SPTBN1: variants seen among roughly 807,000 people sequenced by gnomAD.
SPTBN1 encodes spectrin beta chain, non-erythrocytic 1.
In SPTBN1, 32 loss-of-function variants were observed where a neutral mutation model predicts 266.4. That is an observed-to-expected ratio of 0.12 (90% CI 0.09 to 0.16). The LOEUF (loss-of-function observed/expected upper bound fraction) is 0.16. SPTBN1 is among the 10% of genes least tolerant of loss of function. The pLI, the probability that SPTBN1 is intolerant of heterozygous loss-of-function variation, is 1.00. For synonymous variants in SPTBN1, 1,336 were observed against 1,162.2 expected (o/e 1.15, Z -3.04); for missense variants, 2,296 against 3,067.1 (o/e 0.75, Z 5.94).
At chr2:54,620,738 C>T (rs1677937540) in intron 7 of SPTBN1, among the ~76,000 whole-genome samples, 1 of 152,062 alleles carries the variant, frequency 6.6e-6, no homozygotes, top group Non-Finnish European at 1.5e-5. Flanking sequence ...TTAAAAGAAG[C>T]CTGGTGAATA....
chr2:54,574,047 G>C (rs200680472), intron 2 of SPTBN1, among the ~76,000 whole-genome samples: 1 of 152,188 alleles, frequency 6.6e-6, no homozygotes, highest in East Asian at 1.9e-4. Flanking sequence ...TTTGTGGGGG[G>C]ACACAAATGT....
chr2:54,649,866 T>A lies in SPTBN1; in HGVS notation c.5454T>A (p.Phe1818Leu). ...TTTACCACGATGCCAAGGAGATCTT[T>A]GGGCGTATACAGGACAAACACAAGA... ...HKFYHDAKEI[F>L]GRIQDKHKKL... The change falls in exon 26 of 36, where the codon TTT becomes TTA. Residue 1818 changes from phenylalanine (F) to leucine (L), a missense_variant. Coordinates refer to ENST00000356805, the MANE Select transcript of SPTBN1 (RefSeq NM_003128.3). The surrounding 1 kb of genome is among the most constrained non-coding windows in gnomAD (Gnocchi z 6.7). The A allele has an allele frequency of 6.2e-7, 1 of 1,614,216 alleles. No homozygotes were observed. The highest frequency in any genetic ancestry group is 8.5e-7 in the Non-Finnish European group (1 of 1,180,046).
intron 2 of SPTBN1, among the ~76,000 whole-genome samples, chr2:54,547,940 G>A (rs1391817028): frequency 2.0e-5 from 3 of 152,056 alleles, no homozygotes; most frequent in East Asian, 1.9e-4. Flanking sequence ...TCAGGAGATC[G>A]AGACCATCCT....
intron 2 of SPTBN1, among the ~76,000 whole-genome samples, chr2:54,556,759 A>G (rs1212659594): frequency 6.6e-6 from 1 of 152,118 alleles, no homozygotes. Flanking sequence ...TTTTGAAAGT[A>G]TGATAATTTT....
chr2:54,574,506 C>G (rs1194652580), intron 2 of SPTBN1, among the ~76,000 whole-genome samples: 1 of 152,208 alleles, frequency 6.6e-6, no homozygotes, highest in African/African-American at 2.4e-5. Flanking sequence ...AAAGCATCCT[C>G]CCCTCAGAGT....
intron 6 of SPTBN1, 152 bp downstream of exon 6, chr2:54,617,840 T>C (rs1677713448): frequency 4.0e-6 from 3 of 743,482 alleles, no homozygotes; most frequent in African/African-American, 3.5e-5. Flanking sequence ...TGGGAGAATA[T>C]ATAAATTCTT....
intron 2 of SPTBN1, among the ~76,000 whole-genome samples, chr2:54,543,775 G>T (rs1672074488): frequency 6.6e-6 from 1 of 152,042 alleles, no homozygotes; most frequent in South Asian, 2.1e-4. Flanking sequence ...TGATAAATTG[G>T]TCCCCCCTCC....
Position 54,655,349 on chromosome 2 carries a change from G to A in SPTBN1, c.5961+141G>A, listed in dbSNP as rs138070786. 2.9e-4 allele frequency: 346 copies of A among 1,200,990 alleles called. No homozygotes were observed. The Middle Eastern group carries it at 3.4e-3, about 12-fold the overall frequency. The allele number at this position is 1,200,990 out of a possible 1,614,324, so 74.4% of individuals were successfully genotyped here. On this transcript the variant is annotated intron_variant, in intron 28 of 35. Transcript: ENST00000356805. ...ATGTTTTAAAACTCCTTTCCTGTGC[G>A]TCTAGAATAATGCAATTATGCAAGA...
rs549491367 is a variant in SPTBN1 at position 54,530,353 on chromosome 2, C to CTTTTTTTTTTT, written c.148+3800_148+3810dup. ...TAGGTTATCTGTGAATTGTAAAAAA[C>CTTTTTTTTTTT]TTTTTTTTTTTTTTTTTTTTTTTGA... is the stretch of plus-strand genomic sequence containing the variant. On this transcript the variant is annotated intron_variant, in intron 2 of 35. Coordinates refer to ENST00000356805, the MANE Select transcript of SPTBN1 (RefSeq NM_003128.3). Among the ~76,000 whole-genome samples the CTTTTTTTTTTT allele has an allele frequency of 3.1e-3, 231 of 73,908 alleles. 20 individuals carry two copies. The highest frequency in any genetic ancestry group is 5.0e-3 in the East Asian group (11 of 2,190). 48.5% of individuals were successfully genotyped at this position (73,908 alleles called of 152,430 possible).
At chr2:54,614,958 A>G (rs1486312973) in intron 4 of SPTBN1, among the ~76,000 whole-genome samples, 4 of 152,150 alleles carry the variant, frequency 2.6e-5, no homozygotes, top group South Asian at 2.1e-4. Flanking sequence ...AAGAAAGCCA[A>G]TGGGTTAATG....
intron 3 of SPTBN1, among the ~76,000 whole-genome samples, chr2:54,609,597 G>A (rs532874946): frequency 4.6e-5 from 7 of 152,118 alleles, no homozygotes; most frequent in South Asian, 2.1e-4. Context: ...AGTAATGAGC[G>A]TTACAAGTCC....
At chr2:54,594,699 C>T (rs77791574) in intron 2 of SPTBN1, among the ~76,000 whole-genome samples, 3,178 of 152,178 alleles carry the variant, frequency 0.021, 132 homozygotes, top group African/African-American at 0.073. Context: ...ACATAATTTC[C>T]TCATATTCTG....
chr2:54,666,485 G>A (rs974271197), intron 34 of SPTBN1, among the ~76,000 whole-genome samples: 2 of 152,214 alleles, frequency 1.3e-5, no homozygotes, highest in African/African-American at 4.8e-5. Context: ...ATTATCTGGA[G>A]ATGGGTCAAG....
In SPTBN1 at chr2:54,605,938, A is replaced by G. The variant is rs979484652; in HGVS notation, c.301-6223A>G. ...CAGCATGGGGTCCCTGTGATGTGGC[A>G]TTGAACTTCTTCAACCTGCGTGAAT... On this transcript the variant is annotated intron_variant, in intron 3 of 35. Transcript: ENST00000356805. 2.6e-5 allele frequency among the ~76,000 whole-genome samples: 4 copies of G among 152,302 alleles called. No individual in the cohort carries two copies. The East Asian group carries it at 7.7e-4, about 29-fold the overall frequency.
At chr2:54,615,221 T>G (rs1020509727) in intron 4 of SPTBN1, among the ~76,000 whole-genome samples, 12 of 152,222 alleles carry the variant, frequency 7.9e-5, no homozygotes, top group Admixed American at 7.8e-4. Flanking sequence ...TTTATATATT[T>G]TGTCTTCATT....
chr2:54,472,281 C>G (rs1693969526), intron 1 of SPTBN1, among the ~76,000 whole-genome samples: 1 of 152,066 alleles, frequency 6.6e-6, no homozygotes. Context: ...CCCGCCTGGA[C>G]CTACCAAAGT....
At chr2:54,581,311 C>T (rs1156944322) in intron 2 of SPTBN1, among the ~76,000 whole-genome samples, 1 of 152,098 alleles carries the variant, frequency 6.6e-6, no homozygotes, top group Non-Finnish European at 1.5e-5. Context: ...AAACCCTTTT[C>T]ATTTGCTTAG....
intron 1 of SPTBN1, among the ~76,000 whole-genome samples, chr2:54,524,744 G>C (rs114685904): frequency 6.6e-6 from 1 of 152,152 alleles, no homozygotes; most frequent in South Asian, 2.1e-4. Flanking sequence ...CCTTGTCTCC[G>C]AGTCTCTCCC....
intron 34 of SPTBN1, among the ~76,000 whole-genome samples, chr2:54,666,563 C>G (rs1202724217): frequency 2.6e-5 from 4 of 152,178 alleles, no homozygotes; most frequent in Non-Finnish European, 1.5e-5. Context: ...CCCTGTCCTC[C>G]CCTGACTCTC....
Sources: allele counts gnomAD v4.1 joint callset (sites outside exome capture counted in the v4.1 genomes callset), GRCh38; gene constraint gnomAD v4.1.1; non-coding constraint Gnocchi (gnomAD v3.1); transcripts MANE v1.5; gene names NCBI Gene and HGNC (gene_info 2026-07-23, HGNC 2026-07-21).